Variants in ST6GALNAC5 observed in about 807,000 individuals in gnomAD.
ST6GALNAC5 encodes the protein ST6 N-acetylgalactosaminide alpha-2,6-sialyltransferase 5.
In ST6GALNAC5, 27 loss-of-function variants were observed where a neutral mutation model predicts 33.6. The observed-to-expected ratio is 0.80, with a 90% CI of 0.59 to 1.11. The LOEUF is 1.11. Among genes scored for constraint, ST6GALNAC5 ranks in the 50% least tolerant of loss-of-function variants. ST6GALNAC5 has a pLI of 0.00. For synonymous variants in ST6GALNAC5, 194 were observed against 171.2 expected (o/e 1.13, Z -1.04); for missense variants, 428 against 454.0 (o/e 0.94, Z 0.52).
chr1:76,940,547 T>C (rs1415970014), intron 2 of ST6GALNAC5, among the ~76,000 whole-genome samples: 2 of 151,996 alleles, frequency 1.3e-5, no homozygotes, highest in African/African-American at 4.8e-5. Context: ...TTAGAAATGA[T>C]ATAGTATGGC....
At chr1:77,007,436 A>T (rs186870847) in intron 2 of ST6GALNAC5, among the ~76,000 whole-genome samples, 1 of 152,308 alleles carries the variant, frequency 6.6e-6, no homozygotes, top group Non-Finnish European at 1.5e-5. Context: ...ACAGCTATTG[A>T]CAAAATAGTC....
At chr1:76,971,703 T>C (rs1342903501) in intron 2 of ST6GALNAC5, among the ~76,000 whole-genome samples, 1 of 152,106 alleles carries the variant, frequency 6.6e-6, no homozygotes, top group African/African-American at 2.4e-5. Flanking sequence ...TTGGGCAAAA[T>C]CATCCAACAC....
At chr1:76,897,619 G>T (rs1298793986) in intron 2 of ST6GALNAC5, among the ~76,000 whole-genome samples, 1 of 150,594 alleles carries the variant, frequency 6.6e-6, no homozygotes, top group Non-Finnish European at 1.5e-5. Context: ...TGTGGGTTAA[G>T]GTGGGGGGAT....
At chr1:76,981,389 G>T (rs939178865) in intron 2 of ST6GALNAC5, among the ~76,000 whole-genome samples, 1 of 152,230 alleles carries the variant, frequency 6.6e-6, no homozygotes, top group Non-Finnish European at 1.5e-5. Context: ...CTCACTGCTA[G>T]CACAGCAGTC....
At chr1:76,922,135 G>C (rs924240630) in intron 2 of ST6GALNAC5, among the ~76,000 whole-genome samples, 1 of 152,082 alleles carries the variant, frequency 6.6e-6, no homozygotes, top group African/African-American at 2.4e-5. Flanking sequence ...AACAAGTACT[G>C]CTAGAACTAA....
chr1:77,034,514 C>T (rs1395373994), intron 2 of ST6GALNAC5, among the ~76,000 whole-genome samples: 3 of 152,190 alleles, frequency 2.0e-5, no homozygotes, highest in Admixed American at 1.3e-4. Context: ...AAACCCACAA[C>T]AGCAAGGTGA....
chr1:76,906,645 G>A (rs1646866686), intron 2 of ST6GALNAC5, among the ~76,000 whole-genome samples: 3 of 152,160 alleles, frequency 2.0e-5, no homozygotes, highest in African/African-American at 4.8e-5. Flanking sequence ...ATAACATAGG[G>A]TATAAACAGA....
intron 2 of ST6GALNAC5, among the ~76,000 whole-genome samples, chr1:76,970,324 T>C (rs1475681799): frequency 6.6e-6 from 1 of 151,826 alleles, no homozygotes; most frequent in Non-Finnish European, 1.5e-5. Flanking sequence ...ATTAGATGAA[T>C]GGCTAACTCG....
In ST6GALNAC5 at chr1:77,044,372, A is replaced by C; in HGVS notation, c.430A>C (p.Ile144Leu). The C allele has an allele frequency of 6.2e-7, 1 of 1,613,898 alleles. No individual in the cohort carries two copies. Among genetic ancestry groups the C allele is most frequent in the Non-Finnish European group, 8.5e-7 (1 of 1,179,996 alleles). ...GGGCAATCGCACCAGCCTGAGGGTC[A>C]TCGCGCATTCCAGCATCCAGAGGAT... The part of the protein sequence containing the change: ...DVGNRTSLRV[I>L]AHSSIQRILR... The change falls in exon 3 of 5, where the codon ATC becomes CTC. Residue 144 changes from isoleucine (I) to leucine (L), a missense_variant. Coordinates refer to ENST00000477717, the MANE Select transcript of ST6GALNAC5 (RefSeq NM_030965.3).
chr1:76,987,525 G>T (rs1649560115), intron 2 of ST6GALNAC5, among the ~76,000 whole-genome samples: 1 of 152,118 alleles, frequency 6.6e-6, no homozygotes, highest in Admixed American at 6.6e-5. Context: ...TTGAAAAGCA[G>T]CCTGGCTGTT....
chr1:76,896,229 C>T (rs965914168), intron 2 of ST6GALNAC5, among the ~76,000 whole-genome samples: 2 of 152,164 alleles, frequency 1.3e-5, no homozygotes, highest in African/African-American at 4.8e-5. Flanking sequence ...TCTACCTATC[C>T]AGTGAAATTG....
At chr1:76,953,393 C>T (rs1647831919) in intron 2 of ST6GALNAC5, among the ~76,000 whole-genome samples, 1 of 152,056 alleles carries the variant, frequency 6.6e-6, no homozygotes, top group African/African-American at 2.4e-5. Flanking sequence ...GCTGATATCT[C>T]ATTGTGGTTT....
intron 2 of ST6GALNAC5, among the ~76,000 whole-genome samples, chr1:77,008,961 A>C (rs941245598): frequency 6.6e-6 from 1 of 152,212 alleles, no homozygotes. Flanking sequence ...CCTAGCACCA[A>C]TCCTAGCTGA....
At chr1:76,981,880 G>A (rs1191814972) in intron 2 of ST6GALNAC5, among the ~76,000 whole-genome samples, 4 of 152,178 alleles carry the variant, frequency 2.6e-5, no homozygotes, top group Non-Finnish European at 5.9e-5. Flanking sequence ...GGTCTGGAGT[G>A]GAACTCCAGC....
At chr1:77,051,713 A>G (rs1652224665) in intron 4 of ST6GALNAC5, among the ~76,000 whole-genome samples, 1 of 152,186 alleles carries the variant, frequency 6.6e-6, no homozygotes, top group Non-Finnish European at 1.5e-5. Flanking sequence ...CCTGTTTAAC[A>G]ATCTATACAC....
intron 2 of ST6GALNAC5, among the ~76,000 whole-genome samples, chr1:76,894,704 C>T (rs184069489): frequency 3.0e-4 from 45 of 152,260 alleles, no homozygotes; most frequent in African/African-American, 9.4e-4. Context: ...CTACCAAATA[C>T]GTTGCAGGTG....
chr1:76,945,397 C>CA (rs1647481790), intron 2 of ST6GALNAC5, among the ~76,000 whole-genome samples: 1 of 151,844 alleles, frequency 6.6e-6, no homozygotes, highest in Non-Finnish European at 1.5e-5. Flanking sequence ...CCCAAACAAA[C>CA]AAAAAATGCT....
At chr1:76,917,965 C>T (rs752847940) in intron 2 of ST6GALNAC5, among the ~76,000 whole-genome samples, 1 of 152,102 alleles carries the variant, frequency 6.6e-6, no homozygotes, top group Non-Finnish European at 1.5e-5. Context: ...CATTAGGGAG[C>T]AGAGTAAGCT....
rs1183436690 is a variant in ST6GALNAC5, at chr1:76,933,142, G to A, written c.261+64400G>A. ...TTTTGTCCATTTAATTTCTTAAATG[G>A]AATCCTGAAATTTTGTGTCTAGGGA... On this transcript the variant is annotated intron_variant, in intron 2 of 4. Transcript: ENST00000477717. Among the ~76,000 whole-genome samples the A allele has an allele frequency of 2.0e-5, 3 of 152,046 alleles. No homozygotes were observed. The East Asian group carries it at 5.8e-4, about 30-fold the overall frequency.
Sources: gnomAD v4.1 joint callset for allele counts (sites outside exome capture counted in the v4.1 genomes callset) on GRCh38, gnomAD v4.1.1 for gene constraint, MANE v1.5 for transcripts, NCBI Gene and HGNC (gene_info 2026-07-23, HGNC 2026-07-21) for gene names.